RSRC1: variants seen among roughly 807,000 people sequenced by gnomAD.
RSRC1 encodes arginine and serine rich coiled-coil 1, also known as serine/Arginine-related protein 53.
A neutral mutation model predicts 49.1 loss-of-function variants in RSRC1; 39 were observed. The observed-to-expected ratio is 0.79, with a 90% CI of 0.61 to 1.04. The LOEUF (loss-of-function observed/expected upper bound fraction) is 1.04, where lower values mean the gene tolerates loss of function less well. Among genes scored for constraint, RSRC1 ranks in the 50% least tolerant of loss-of-function variants. The probability of loss-of-function intolerance (pLI) is 0.00; values close to 1 mark genes in which losing one functional copy is unlikely to be tolerated. For missense variants in RSRC1, 388 were observed against 402.4 expected (o/e 0.96, Z 0.31); for synonymous variants, 143 against 130.8 (o/e 1.09, Z -0.63).
chr3:158,483,149 C>T (rs952868770), intron 7 of RSRC1, among the ~76,000 whole-genome samples: 2 of 151,992 alleles, frequency 1.3e-5, no homozygotes, highest in Non-Finnish European at 2.9e-5. Context: ...AGCTCATCCT[C>T]CTTCTTCCTC....
Position 158,477,798 on chromosome 3 carries a change from T to TATATATATATATATATATATA in RSRC1, c.652+16795_652+16796insATATATATATATATATATATA, listed in dbSNP as rs1738432613. On this transcript the variant is annotated intron_variant, in intron 7 of 9. Transcript: ENST00000611884. ...TGATGGGATAGGTTGCGGGAGGGAT[T>TATATATATATATATATATATA]TATATATATATATATATATATATAT... Among the ~76,000 whole-genome samples the TATATATATATATATATATATA allele has an allele frequency of 4.5e-4, 40 of 89,766 alleles. 2 individuals carry two copies. The highest frequency in any genetic ancestry group is 1.8e-3 in the African/African-American group (38 of 21,646). The allele number at this position is 89,766 out of a possible 152,430, so 58.9% of individuals were successfully genotyped here. A position where few individuals can be genotyped will look rare whatever the true frequency, so the allele number is the denominator to read the frequency against.
chr3:158,409,445 G>T (rs1006754028), intron 6 of RSRC1, among the ~76,000 whole-genome samples: 2 of 152,014 alleles, frequency 1.3e-5, no homozygotes, highest in African/African-American at 2.4e-5. Flanking sequence ...GTTGTTTCTT[G>T]ATTTTATTAA....
intron 7 of RSRC1, among the ~76,000 whole-genome samples, chr3:158,502,667 C>T (rs1446485470): frequency 1.3e-5 from 2 of 152,080 alleles, no homozygotes; most frequent in African/African-American, 2.4e-5. Context: ...CTGAGAATTT[C>T]CAGAGCATTT....
chr3:158,162,528 G>A (rs1718293126), intron 3 of RSRC1, among the ~76,000 whole-genome samples: 1 of 152,058 alleles, frequency 6.6e-6, no homozygotes, highest in Admixed American at 6.5e-5. Flanking sequence ...AAATTGGGAG[G>A]GGTGTTAACT....
intron 6 of RSRC1, among the ~76,000 whole-genome samples, chr3:158,399,573 A>AATCATGTAAATC (rs1281276429): frequency 6.6e-6 from 1 of 152,170 alleles, no homozygotes; most frequent in Non-Finnish European, 1.5e-5. Flanking sequence ...ATTTACATTT[A>AATCATGTAAATC]AATTTAAATT....
chr3:158,268,874 G>A (rs971518384), intron 4 of RSRC1, among the ~76,000 whole-genome samples: 5 of 151,932 alleles, frequency 3.3e-5, no homozygotes, highest in Non-Finnish European at 5.9e-5. Flanking sequence ...TAGAATTCTT[G>A]AACACTTTTG....
chr3:158,128,813 A>G (rs1159516922), intron 3 of RSRC1, among the ~76,000 whole-genome samples: 1 of 152,184 alleles, frequency 6.6e-6, no homozygotes, highest in African/African-American at 2.4e-5. Flanking sequence ...CTTGTCTTTC[A>G]TGACTTTGGC....
At chr3:158,473,053 T>G (rs1316118815) in intron 7 of RSRC1, among the ~76,000 whole-genome samples, 1 of 152,182 alleles carries the variant, frequency 6.6e-6, no homozygotes, top group Non-Finnish European at 1.5e-5. Context: ...GGAACACTTT[T>G]ACACTGTCGG....
In RSRC1 at chr3:158,218,366, T is replaced by C. The variant is rs559749817; in HGVS notation, c.494+15121T>C. Reference sequence around the variant, plus strand: ...TGGGCCAGGGATTTGGCATTGGAGATGGAAAGAAGTTGCTGAATTTGAGAC... The same window carrying C: ...TGGGCCAGGGATTTGGCATTGGAGACGGAAAGAAGTTGCTGAATTTGAGAC... On this transcript the variant is annotated intron_variant, in intron 4 of 9. Coordinates refer to ENST00000611884, the MANE Select transcript of RSRC1 (RefSeq NM_001271838.2). Among the ~76,000 whole-genome samples, 4 of 151,680 alleles carry C rather than the reference T, an allele frequency of 2.6e-5. No individual in the cohort carries two copies. In the South Asian group the frequency reaches 8.3e-4, roughly 32 times the overall value.
intron 6 of RSRC1, among the ~76,000 whole-genome samples, chr3:158,409,713 A>G (rs2108319630): frequency 7.7e-6 from 1 of 129,588 alleles, no homozygotes; most frequent in East Asian, 2.1e-4. Context: ...GTTTTGTGAT[A>G]TGAACTGTGC....
chr3:158,198,611 G>T (rs1316370182), intron 3 of RSRC1, among the ~76,000 whole-genome samples: 3 of 152,106 alleles, frequency 2.0e-5, no homozygotes, highest in Admixed American at 6.5e-5. Flanking sequence ...TTGGCATGTT[G>T]TTGCAGTGGC....
intron 4 of RSRC1, among the ~76,000 whole-genome samples, chr3:158,290,341 C>T (rs972246797): frequency 2.1e-4 from 31 of 150,406 alleles, no homozygotes; most frequent in Admixed American, 1.8e-3. Flanking sequence ...GGCGCGATTT[C>T]GGCTCACTGC....
At chr3:158,222,849 C>G (rs1489272641) in intron 4 of RSRC1, among the ~76,000 whole-genome samples, 1 of 151,622 alleles carries the variant, frequency 6.6e-6, no homozygotes, top group Non-Finnish European at 1.5e-5. Context: ...CCTTCCTCTC[C>G]TGGATAATTC....
chr3:158,392,201 T>C (rs1248579997), intron 6 of RSRC1, among the ~76,000 whole-genome samples: 3 of 152,120 alleles, frequency 2.0e-5, no homozygotes, highest in Non-Finnish European at 1.5e-5. Flanking sequence ...GATTCAGATA[T>C]CAATTGCTGC....
At chr3:158,177,298 A>G (rs1279072867) in intron 3 of RSRC1, among the ~76,000 whole-genome samples, 1 of 152,230 alleles carries the variant, frequency 6.6e-6, no homozygotes, top group African/African-American at 2.4e-5. Flanking sequence ...CTGCATATAT[A>G]CCCAAAGGAT....
rs533198717 is a variant in RSRC1 at position 158,184,459 on chromosome 3, A to C, written c.321-18613A>C. ...CTGAGTTCTGTTTCTCATTTATAAAATATGGTGACCATTGAGATGTTTCAT... is the reference window on the plus strand; with the variant it reads ...CTGAGTTCTGTTTCTCATTTATAAACTATGGTGACCATTGAGATGTTTCAT... On this transcript the variant is annotated intron_variant, in intron 3 of 9. Coordinates refer to ENST00000611884, the MANE Select transcript of RSRC1 (RefSeq NM_001271838.2). 6.0e-4 allele frequency among the ~76,000 whole-genome samples: 92 copies of C among 152,304 alleles called. 4 individuals are homozygous for C. In the South Asian group the frequency reaches 0.018, roughly 30 times the overall value.
At chr3:158,510,235 G>A (rs1740082469) in intron 7 of RSRC1, among the ~76,000 whole-genome samples, 1 of 152,022 alleles carries the variant, frequency 6.6e-6, no homozygotes, top group African/African-American at 2.4e-5. Context: ...GTATGTATTG[G>A]TCATTGGTAT....
chr3:158,355,024 T>G (rs1413183499), intron 6 of RSRC1, 116 bp downstream of exon 6: 1 of 641,636 alleles, frequency 1.6e-6, no homozygotes. Context: ...TCCTCACAAA[T>G]TTATCAGATC....
intron 7 of RSRC1, among the ~76,000 whole-genome samples, chr3:158,510,498 G>A (rs933141513): frequency 1.3e-5 from 2 of 151,656 alleles, no homozygotes; most frequent in African/African-American, 4.8e-5. Context: ...AATCCACCTG[G>A]AATTTTTTTT....
Sources: allele counts gnomAD v4.1 joint callset (sites outside exome capture counted in the v4.1 genomes callset), GRCh38; gene constraint gnomAD v4.1.1; transcripts MANE v1.5; gene names NCBI Gene and HGNC (gene_info 2026-07-23, HGNC 2026-07-21).